ANKRD42: variants seen among roughly 807,000 people sequenced by gnomAD.
The protein encoded by ANKRD42 is ankyrin repeat domain 42, also known as ankyrin repeat domain-containing protein 42.
Under a neutral mutation model 51.5 loss-of-function variants are expected in ANKRD42, and 43 were observed. The observed-to-expected ratio is 0.83, with a 90% CI of 0.65 to 1.08. The LOEUF is 1.08. ANKRD42 is among the 50% of genes least tolerant of loss of function. The pLI is 0.00. For synonymous variants in ANKRD42, 203 were observed against 213.0 expected (o/e 0.95, Z 0.41); for missense variants, 608 against 629.3 (o/e 0.97, Z 0.36).
intron 1 of ANKRD42, 57 bp from the exon 2 acceptor site, chr11:83,198,422 C>CTTTT: frequency 6.8e-7 from 1 of 1,479,536 alleles, no homozygotes; most frequent in Non-Finnish European, 9.2e-7. Context: ...CTGTTTTAGT[C>CTTTT]TTTTTTTTTC....
chr11:83,245,587 G>A lies in ANKRD42; in HGVS notation c.1285G>A (p.Asp429Asn), dbSNP rs1435114395. ...ACACTTGGGAGGCATAACAGAAGAAGATTTAAAGCAGAAGAAAGAACAGCT... is the reference window on the plus strand; with the variant it reads ...ACACTTGGGAGGCATAACAGAAGAAAATTTAAAGCAGAAGAAAGAACAGCT... ...YKHLGGITEE[D>N]LKQKKEQLES... Residue 429 changes from aspartate (D) to asparagine (N), a missense_variant, in exon 10 of 11, where the codon GAT (aspartate) becomes AAT (asparagine). Asp to Asn is a conservative substitution (Grantham distance 23). Transcript: ENST00000533342. The A allele has an allele frequency of 5.2e-6, 8 of 1,536,514 alleles. No individual in the cohort carries two copies. The highest frequency in any genetic ancestry group is 2.6e-6 in the Non-Finnish European group (3 of 1,146,998).
intron 1 of ANKRD42, among the ~76,000 whole-genome samples, chr11:83,195,568 A>C (rs1861614107): frequency 1.3e-5 from 2 of 152,128 alleles, no homozygotes; most frequent in Admixed American, 1.3e-4. Flanking sequence ...TCCAAAATGT[A>C]ATTTTATATC....
At chr11:83,249,375 TA>T (rs1295714470), downstream of ANKRD42, among the ~76,000 whole-genome samples, 2 of 152,100 alleles carry the variant, frequency 1.3e-5, no homozygotes, top group Admixed American at 6.5e-5. Flanking sequence ...CCTGGCCAAT[TA>T]GTTTTTTTGT....
chr11:83,234,492 TG>T (rs1044511468), intron 7 of ANKRD42, among the ~76,000 whole-genome samples: 4 of 152,216 alleles, frequency 2.6e-5, no homozygotes, highest in African/African-American at 4.8e-5. Flanking sequence ...TTTAAAACAT[TG>T]GTCAAATTAG....
Position 83,227,878 on chromosome 11 carries a change from T to C in ANKRD42, c.913+6T>C. On this transcript the variant is annotated splice_donor_region_variant and intron_variant, in intron 7 of 10. Transcript: ENST00000533342. ...ATCAACTCCTATGCATAAAGGTGAGTTATGATTCCTCCTTTCAGTTCGGAT... is the reference window on the plus strand; with the variant it reads ...ATCAACTCCTATGCATAAAGGTGAGCTATGATTCCTCCTTTCAGTTCGGAT... 6.3e-7 allele frequency: 1 copy of C among 1,595,030 alleles called. No homozygotes were observed. The highest frequency in any genetic ancestry group is 8.5e-7 in the Non-Finnish European group (1 of 1,173,652).
intron 2 of ANKRD42, among the ~76,000 whole-genome samples, chr11:83,205,068 A>G (rs1381188414): frequency 1.3e-5 from 2 of 152,260 alleles, no homozygotes; most frequent in African/African-American, 2.4e-5. Context: ...GTGGGAATGT[A>G]GAGAGGTACA....
downstream of ANKRD42, chr11:83,256,137 T>G: frequency 2.6e-6 from 1 of 379,560 alleles, no homozygotes; most frequent in East Asian, 4.3e-5. Flanking sequence ...GATATTCTTC[T>G]TATATATCTC....
At chr11:83,234,027 G>T (rs556037107) in intron 7 of ANKRD42, among the ~76,000 whole-genome samples, 1 of 152,198 alleles carries the variant, frequency 6.6e-6, no homozygotes, top group Admixed American at 6.5e-5. Flanking sequence ...TTTGATGTAG[G>T]CACTTATAAC....
chr11:83,255,748 T>G (rs866758400), intron 11 of ANKRD42: 7 of 826,116 alleles, frequency 8.5e-6, no homozygotes, highest in African/African-American at 1.7e-5. Flanking sequence ...AATACTAGCA[T>G]GGTTAATTTT....
downstream of ANKRD42, among the ~76,000 whole-genome samples, chr11:83,263,018 C>T (rs1032943677): frequency 1.3e-5 from 2 of 152,142 alleles, no homozygotes; most frequent in Non-Finnish European, 2.9e-5. Flanking sequence ...TGAGGTAATA[C>T]ACCCAGTTAC....
At position 83,248,884 on chromosome 11, in the gene ANKRD42, G is replaced by A; in HGVS notation, c.*680G>A. 3 of 983,292 alleles carry A rather than the reference G, an allele frequency of 3.1e-6. No homozygotes were observed. The highest frequency in any genetic ancestry group is 3.6e-6 in the Non-Finnish European group (3 of 828,008). The allele number at this position is 983,292 out of a possible 1,614,324, so 60.9% of individuals were successfully genotyped here. On this transcript the variant is annotated 3_prime_UTR_variant, in exon 11 of 11. Transcript: ENST00000533342. ...CATGTATGTGTATTTCTATGCATAT[G>A]CAAATATAACCACTTCCTCAGTTTC...
In ANKRD42 at chr11:83,193,769, G is replaced by A; in HGVS notation, c.-902G>A. On this transcript the variant is annotated 5_prime_UTR_variant, in exon 1 of 11. Transcript: ENST00000533342. Reference sequence around the variant, plus strand: ...TCCAGCCAAGTGGCTGGAGTCGGGAGGCTGGAAAGAGACTCCGAGAAAGTA... The same window carrying A: ...TCCAGCCAAGTGGCTGGAGTCGGGAAGCTGGAAAGAGACTCCGAGAAAGTA... 1 of 444,682 alleles carries A rather than the reference G, an allele frequency of 2.2e-6. No individual in the cohort carries two copies. Among genetic ancestry groups the A allele is most frequent in the Non-Finnish European group, 4.5e-6 (1 of 221,628 alleles). 27.5% of individuals were successfully genotyped at this position (444,682 alleles called of 1,614,324 possible).
intron 9 of ANKRD42, among the ~76,000 whole-genome samples, chr11:83,242,357 G>A (rs1863411300): frequency 6.6e-6 from 1 of 152,114 alleles, no homozygotes; most frequent in Non-Finnish European, 1.5e-5. Flanking sequence ...AATCAGTTAG[G>A]GGGCTATCGC....
At chr11:83,254,104 A>G (rs1863721002) in intron 11 of ANKRD42, among the ~76,000 whole-genome samples, 1 of 152,128 alleles carries the variant, frequency 6.6e-6, no homozygotes, top group African/African-American at 2.4e-5. Flanking sequence ...CCTCGTGAGT[A>G]GCTGGGACTA....
chr11:83,212,302 G>A (rs1450273534), intron 5 of ANKRD42, among the ~76,000 whole-genome samples: 2 of 152,062 alleles, frequency 1.3e-5, no homozygotes, highest in African/African-American at 2.4e-5. Context: ...GGCTGGTCTC[G>A]AACTCCTGGC....
At chr11:83,257,462 A>G, downstream of ANKRD42, 1 of 374,602 alleles carries the variant, frequency 2.7e-6, no homozygotes, top group Non-Finnish European at 5.2e-6. Context: ...TGGTCAGCAA[A>G]GCACATTTAT....
downstream of ANKRD42, among the ~76,000 whole-genome samples, chr11:83,262,778 G>A (rs921468707): frequency 6.6e-6 from 1 of 152,186 alleles, no homozygotes; most frequent in African/African-American, 2.4e-5. Flanking sequence ...CTTGGTTAAT[G>A]ATAAGATCAT....
intron 7 of ANKRD42, among the ~76,000 whole-genome samples, chr11:83,231,727 G>A (rs943062940): frequency 1.3e-5 from 2 of 152,142 alleles, no homozygotes; most frequent in African/African-American, 4.8e-5. Context: ...CTCGATTTTT[G>A]TATATGGTGA....
rs1181716018 is a variant in ANKRD42 at position 83,206,152 on chromosome 11, A to G, written c.317A>G (p.Asp106Gly). The change falls in exon 3 of 11, where the codon GAT becomes GGT. Residue 106 changes from aspartate (D) to glycine (G), a missense_variant. Transcript: ENST00000533342. ...CACATAGCTGCAATCAGGGGTCAGGATGCTTGTGTACAGGTAATAATATTA... is the reference window on the plus strand; with the variant it reads ...CACATAGCTGCAATCAGGGGTCAGGGTGCTTGTGTACAGGTAATAATATTA... Reference protein sequence around the residue: ...ASHIAAIRGQDACVQALIMNG... With the variant: ...ASHIAAIRGQGACVQALIMNG... 1.9e-6 allele frequency: 3 copies of G among 1,613,018 alleles called. No homozygotes were observed. Among genetic ancestry groups the G allele is most frequent in the Admixed American group, 3.3e-5 (2 of 59,996 alleles).
Sources: gnomAD v4.1 joint callset for allele counts (sites outside exome capture counted in the v4.1 genomes callset) on GRCh38, gnomAD v4.1.1 for gene constraint, MANE v1.5 for transcripts, NCBI Gene and HGNC (gene_info 2026-07-23, HGNC 2026-07-21) for gene names.